The following CDKL5 variants were observed in gnomAD, a reference collection of about 807,000 sequenced individuals.
The protein encoded by CDKL5 is cyclin dependent kinase like 5, also known as cyclin-dependent kinase-like 5.
Under a neutral mutation model 61.7 loss-of-function variants are expected in CDKL5, and 8 were observed. The observed-to-expected ratio is 0.13, with a 90% CI of 0.08 to 0.23. CDKL5 has a LOEUF of 0.23. CDKL5 is among the 10% of genes least tolerant of loss of function. CDKL5 has a pLI of 1.00. For missense variants in CDKL5, 440 were observed against 734.5 expected, an observed-to-expected ratio of 0.60 and a Z score of 4.63; for synonymous variants, 275 against 272.3, an observed-to-expected ratio of 1.01 and a Z score of -0.10.
At chrX:18,457,626 G>GT (rs1467891455) in intron 1 of CDKL5, 63 of 108,253 alleles carry the variant, frequency 5.8e-4, no homozygotes, top group East Asian at 2.0e-3. Flanking sequence ...TTGTTTGTTT[G>GT]TTTTTTTTTG....
At chrX:18,595,291 C>A in intron 9 of CDKL5, 57 bp from the exon 10 acceptor site, 2 of 811,692 alleles carry the variant, frequency 2.5e-6, no homozygotes, top group Non-Finnish European at 3.8e-6. Context: ...CTCACAAGCA[C>A]GTGCACACAC....
At chrX:18,617,522 C>G (rs774029422) in intron 15 of CDKL5, among the ~76,000 whole-genome samples, 3 of 112,421 alleles carry the variant, frequency 2.7e-5, no homozygotes, top group African/African-American at 6.5e-5. Context: ...ATAACTCATT[C>G]TGCATTCCTT....
At chrX:18,567,648 G>A (rs1224255129) in intron 4 of CDKL5, among the ~76,000 whole-genome samples, 2 of 111,487 alleles carry the variant, frequency 1.8e-5, no homozygotes, top group African/African-American at 3.3e-5. Flanking sequence ...TTGGGAAGCC[G>A]AGGCAGGAGG....
chrX:18,649,228 G>A (rs773051479), intron 20 of CDKL5, among the ~76,000 whole-genome samples: 1 of 110,221 alleles, frequency 9.1e-6, no homozygotes, highest in African/African-American at 3.3e-5. Flanking sequence ...AAAACAAATG[G>A]CAAATATATT....
intron 1 of CDKL5, among the ~76,000 whole-genome samples, chrX:18,494,856 A>G (rs1365051063): frequency 8.9e-6 from 1 of 111,795 alleles, no homozygotes; most frequent in African/African-American, 3.2e-5. Context: ...AAATCAAGTT[A>G]CTCTCCACTT....
chrX:18,538,454 T>C (rs1025085277), intron 3 of CDKL5, among the ~76,000 whole-genome samples: 1 of 111,684 alleles, frequency 9.0e-6, no homozygotes, highest in Non-Finnish European at 1.9e-5. Flanking sequence ...TATCAATTTT[T>C]TTTTTCCTAT....
At chrX:18,429,542 A>T (rs1417263846) in intron 1 of CDKL5, among the ~76,000 whole-genome samples, 2 of 112,279 alleles carry the variant, frequency 1.8e-5, no homozygotes, top group Non-Finnish European at 1.9e-5. Context: ...CCAGCTAGTC[A>T]TCAGAAACAG....
chrX:18,574,178 A>G (rs1010051711), intron 4 of CDKL5, among the ~76,000 whole-genome samples: 1 of 111,906 alleles, frequency 8.9e-6, no homozygotes, highest in African/African-American at 3.3e-5. Flanking sequence ...TTGTGGCTAC[A>G]TGTGTTTTAG....
At chrX:18,557,857 TC>T (rs1924659648) in intron 3 of CDKL5, among the ~76,000 whole-genome samples, 1 of 112,108 alleles carries the variant, frequency 8.9e-6, no homozygotes, top group Non-Finnish European at 1.9e-5. Context: ...AGTATGATTC[TC>T]TAGTGATTGA....
At chrX:18,501,191 A>G (rs1721650899) in intron 1 of CDKL5, among the ~76,000 whole-genome samples, 2 of 110,828 alleles carry the variant, frequency 1.8e-5, no homozygotes, top group African/African-American at 6.6e-5. Flanking sequence ...TTTGTTTTTG[A>G]GACGGAGTTT....
chrX:18,551,273 T>A (rs545333928), intron 3 of CDKL5, among the ~76,000 whole-genome samples: 1 of 111,018 alleles, frequency 9.0e-6, no homozygotes, highest in Non-Finnish European at 1.9e-5. Context: ...TACCCACTTA[T>A]ATACAATAAG....
At chrX:18,450,081 C>T (rs1192967729) in intron 1 of CDKL5, among the ~76,000 whole-genome samples, 1 of 112,507 alleles carries the variant, frequency 8.9e-6, no homozygotes, top group Non-Finnish European at 1.9e-5. Context: ...GCATGAGCCA[C>T]TGTGCCCGGT....
At position 18,553,623 on chromosome X, in the gene CDKL5, G is replaced by T. The variant is rs1358612393; in HGVS notation, c.100-10854G>T. 9.9e-5 allele frequency among the ~76,000 whole-genome samples: 11 copies of T among 110,863 alleles called. No homozygotes were observed. In the East Asian group the frequency reaches 3.1e-3, roughly 32 times the overall value. ...TTCTCACGTCTCAGCCTCCCGAGTA[G>T]CTGGGACTACAGGCGTGTGCTACCA... On this transcript the variant is annotated intron_variant, in intron 3 of 17. Transcript: ENST00000623535.
chrX:18,523,535 A>G (rs1401673981), intron 3 of CDKL5, among the ~76,000 whole-genome samples: 1 of 111,955 alleles, frequency 8.9e-6, no homozygotes, highest in Non-Finnish European at 1.9e-5. Flanking sequence ...CATCATGTTC[A>G]TTGTATATGT....
chrX:18,532,345 A>G (rs999522746), intron 3 of CDKL5, among the ~76,000 whole-genome samples: 11 of 109,462 alleles, frequency 1.0e-4, no homozygotes, highest in African/African-American at 3.7e-4. Flanking sequence ...ATTATTACAC[A>G]TTTTGATTTC....
chrX:18,635,172 A>T lies in CDKL5; in HGVS notation c.*6415A>T, dbSNP rs1309553022. 2.7e-6 allele frequency: 2 copies of T among 746,550 alleles called. No homozygotes were observed. Among genetic ancestry groups the T allele is most frequent in the Admixed American group, 1.8e-4 (2 of 11,036 alleles). 61.5% of individuals were successfully genotyped at this position (746,550 alleles called of 1,213,427 possible). On this transcript the variant is annotated 3_prime_UTR_variant, in exon 18 of 18. Coordinates refer to ENST00000623535, the MANE Select transcript of CDKL5 (RefSeq NM_001323289.2). ...GAACCATTTGTAAAGTGTTTCTATA[A>T]CTCTTTGTATCATGTGTTGGTACAT...
intron 9 of CDKL5, among the ~76,000 whole-genome samples, chrX:18,593,772 T>C (rs1314950406): frequency 3.5e-5 from 4 of 112,704 alleles, no homozygotes; most frequent in African/African-American, 1.3e-4. Flanking sequence ...TTTTAGGTTA[T>C]TGCCTGTGCA....
chrX:18,542,264 G>T (rs1455895997), intron 3 of CDKL5, among the ~76,000 whole-genome samples: 1 of 111,435 alleles, frequency 9.0e-6, no homozygotes, highest in African/African-American at 3.3e-5. Context: ...TGGCTGGAGG[G>T]CCAGGAGTAT....
At chrX:18,608,779 C>A in intron 12 of CDKL5, 32 bp from the exon 13 acceptor site, 1 of 989,412 alleles carries the variant, frequency 1.0e-6, no homozygotes, top group Non-Finnish European at 1.4e-6. Flanking sequence ...GAACAGGATG[C>A]TCTTATAAAT....
Sources: gnomAD v4.1 joint callset for allele counts (sites outside exome capture counted in the v4.1 genomes callset) on GRCh38, gnomAD v4.1.1 for gene constraint, MANE v1.5 for transcripts, NCBI Gene and HGNC (gene_info 2026-07-23, HGNC 2026-07-21) for gene names.